The following FIRRM variants were observed in gnomAD, a reference collection of about 807,000 sequenced individuals.
FIRRM encodes FIGNL1 interacting regulator of recombination and mitosis, also known as FIGNL1-interacting regulator of recombination and mitosis.
chr1:169,822,795 C>T, the FIRRM span, among the ~76,000 whole-genome samples: 3 of 152,052 alleles, frequency 2.0e-5, no homozygotes, highest in African/African-American at 7.2e-5. Flanking sequence ...CCACTGTGCC[C>T]GGTCGACAAC....
At chr1:169,849,262 C>G in the FIRRM span, among the ~76,000 whole-genome samples, 1 of 152,194 alleles carries the variant, frequency 6.6e-6, no homozygotes, top group Non-Finnish European at 1.5e-5. Flanking sequence ...ATAGCTAACA[C>G]AAAGGTAGCA....
chr1:169,822,313 C>G, the FIRRM span, among the ~76,000 whole-genome samples: 2 of 152,128 alleles, frequency 1.3e-5, no homozygotes, highest in Admixed American at 1.3e-4. Context: ...GGCATTCTGA[C>G]TATAATAAAT....
the FIRRM span, among the ~76,000 whole-genome samples, chr1:169,817,195 C>T: frequency 8.5e-5 from 13 of 152,116 alleles, no homozygotes; most frequent in African/African-American, 1.4e-4. Context: ...TTGATATCCA[C>T]GAACACTCCA....
the FIRRM span, among the ~76,000 whole-genome samples, chr1:169,831,654 G>T: frequency 6.6e-6 from 1 of 152,148 alleles, no homozygotes; most frequent in East Asian, 1.9e-4. Flanking sequence ...TTGTAGGAAT[G>T]GATTTCTTCT....
At chr1:169,840,140 TTCAAG>T in the FIRRM span, among the ~76,000 whole-genome samples, 31 of 152,326 alleles carry the variant, frequency 2.0e-4, no homozygotes, top group African/African-American at 7.2e-4. Context: ...ATAGTATAGT[TTCAAG>T]TCAAGTCACG....
At chr1:169,835,385 C>T in the FIRRM span, among the ~76,000 whole-genome samples, 1 of 152,010 alleles carries the variant, frequency 6.6e-6, no homozygotes, top group Non-Finnish European at 1.5e-5. Context: ...TCCATTGTAT[C>T]AAGAAAAGCA....
chr1:169,788,829 TC>T, the FIRRM span, among the ~76,000 whole-genome samples: 1 of 152,264 alleles, frequency 6.6e-6, no homozygotes, highest in Non-Finnish European at 1.5e-5. Flanking sequence ...ATAAAGTTGT[TC>T]TTTGTAATCG....
At chr1:169,801,051 T>A in the FIRRM span, 1 of 696,594 alleles carries the variant, frequency 1.4e-6, no homozygotes, top group Non-Finnish European at 2.4e-6. Flanking sequence ...ATTATGGCTC[T>A]CTTTTTCTAA....
the FIRRM span, among the ~76,000 whole-genome samples, chr1:169,810,119 C>T: frequency 6.6e-6 from 1 of 152,100 alleles, no homozygotes; most frequent in Non-Finnish European, 1.5e-5. Context: ...TATAAGGGCA[C>T]TTATGTCATT....
At chr1:169,834,487 C>G in the FIRRM span, among the ~76,000 whole-genome samples, 1 of 151,948 alleles carries the variant, frequency 6.6e-6, no homozygotes, top group African/African-American at 2.4e-5. Flanking sequence ...TTTTTAACCC[C>G]TTAAGACATT....
chr1:169,854,005 G>T, the FIRRM span: 1 of 598,372 alleles, frequency 1.7e-6, no homozygotes, highest in Non-Finnish European at 2.9e-6. Context: ...AATCAGTGTG[G>T]ATGACACCAA....
chr1:169,793,905 GA>G, the FIRRM span: 50,315 of 217,556 alleles, frequency 0.23, 539 homozygotes, highest in Middle Eastern at 0.26. Flanking sequence ...GCTCTGGAAA[GA>G]AAAAAAAAAA....
At chr1:169,850,743 C>T in the FIRRM span, 1 of 168,048 alleles carries the variant, frequency 6.0e-6, no homozygotes, top group Non-Finnish European at 1.3e-5. Flanking sequence ...TTGCAGTAAG[C>T]CAAGATCATG....
chr1:169,791,063 C>T, the FIRRM span, among the ~76,000 whole-genome samples: 2 of 152,152 alleles, frequency 1.3e-5, no homozygotes, highest in African/African-American at 4.8e-5. Flanking sequence ...AATCTAACAC[C>T]GCTGCTGATC....
chr1:169,785,190 C>T, the FIRRM span, among the ~76,000 whole-genome samples: 2 of 152,196 alleles, frequency 1.3e-5, no homozygotes, highest in Non-Finnish European at 2.9e-5. Context: ...TGAGCTCAAA[C>T]CCCTCATAGG....
the FIRRM span, among the ~76,000 whole-genome samples, chr1:169,803,808 CTT>C: frequency 6.6e-6 from 1 of 152,152 alleles, no homozygotes; most frequent in Non-Finnish European, 1.5e-5. Flanking sequence ...TAATACCTCT[CTT>C]TGCTGATAGG....
the FIRRM span, chr1:169,821,795 A>G: frequency 2.1e-6 from 3 of 1,406,368 alleles, no homozygotes; most frequent in South Asian, 1.2e-5. Flanking sequence ...ATTTAATTGT[A>G]GTTCTCTCAG....
the FIRRM span, among the ~76,000 whole-genome samples, chr1:169,843,063 T>C: frequency 1.3e-5 from 2 of 152,262 alleles, no homozygotes; most frequent in Non-Finnish European, 2.9e-5. Context: ...AGCCTGTTTG[T>C]TTTCTTTGAC....
the FIRRM span, among the ~76,000 whole-genome samples, chr1:169,813,585 A>AG: frequency 6.6e-6 from 1 of 152,274 alleles, no homozygotes; most frequent in Non-Finnish European, 1.5e-5. Context: ...TAGAGTCAAT[A>AG]GACAAATCTC....
Sources: gnomAD v4.1 joint callset for allele counts (sites outside exome capture counted in the v4.1 genomes callset) on GRCh38, gnomAD v4.1.1 for gene constraint, MANE v1.5 for transcripts, NCBI Gene and HGNC (gene_info 2026-07-23, HGNC 2026-07-21) for gene names.